The following PAK2 variants were observed in gnomAD, a reference collection of about 807,000 sequenced individuals.
PAK2 encodes serine/threonine-protein kinase PAK 2.
A neutral mutation model predicts 65.9 loss-of-function variants in PAK2; 21 were observed. The ratio of observed to expected loss-of-function variants is 0.32; its 90% CI spans 0.23 to 0.46. PAK2 has a LOEUF of 0.46. Among genes scored for constraint, PAK2 ranks in the 20% least tolerant of loss-of-function variants. The pLI is 1.00. For missense variants in PAK2, 324 were observed against 642.6 expected, an observed-to-expected ratio of 0.50 and a Z score of 5.36; for synonymous variants, 204 against 219.7, an observed-to-expected ratio of 0.93 and a Z score of 0.63.
chr3:196,768,652 G>A (rs1456501343), intron 1 of PAK2, among the ~76,000 whole-genome samples: 2 of 150,904 alleles, frequency 1.3e-5, no homozygotes, highest in Non-Finnish European at 2.9e-5. Flanking sequence ...ACCATGGCCA[G>A]CTAATTCTTT....
rs1489151674 is a variant in PAK2, at chr3:196,829,160, T to C, written c.*755T>C. The C allele has an allele frequency of 6.6e-6, 1 of 152,644 alleles. No homozygotes were observed. Among genetic ancestry groups the C allele is most frequent in the Non-Finnish European group, 1.5e-5 (1 of 68,048 alleles). The allele number at this position is 152,644 out of a possible 1,614,324, so 9.5% of individuals were successfully genotyped here. On this transcript the variant is annotated 3_prime_UTR_variant, in exon 15 of 15. Coordinates refer to ENST00000327134, the MANE Select transcript of PAK2 (RefSeq NM_002577.4). ...ACTAAATCATTGAGATAGAAAAAGA[T>C]TCCCATTGACTGTAGACTTCTTCCC...
intron 1 of PAK2, among the ~76,000 whole-genome samples, chr3:196,766,561 G>T (rs558934121): frequency 1.3e-5 from 2 of 152,232 alleles, no homozygotes; most frequent in African/African-American, 4.8e-5. Context: ...GTGATCAGTG[G>T]ATGGCTATCT....
At chr3:196,775,141 G>GAA (rs1394486327) in intron 1 of PAK2, among the ~76,000 whole-genome samples, 1 of 152,146 alleles carries the variant, frequency 6.6e-6, no homozygotes, top group Admixed American at 6.5e-5. Context: ...AATTTCATTA[G>GAA]GGACATCTCT....
rs1419294177 is a variant in PAK2, at chr3:196,820,152, C to T, written c.1154-219C>T. Among the ~76,000 whole-genome samples, 1 of 151,886 alleles carries T rather than the reference C, an allele frequency of 6.6e-6. No individual in the cohort carries two copies. The highest frequency in any genetic ancestry group is 1.5e-5 in the Non-Finnish European group (1 of 67,990). ...GAATGAATTATTCAGAATAAAAGGC[C>T]TCCTGATAATTTGGACTCTGTGGCA... On this transcript the variant is annotated intron_variant, in intron 12 of 14. Coordinates refer to ENST00000327134, the MANE Select transcript of PAK2 (RefSeq NM_002577.4). This position sits in a 1 kb window ranked among gnomAD's most constrained non-coding sequence, Gnocchi z 4.6.
At chr3:196,811,597 G>C (rs1297009759) in intron 8 of PAK2, among the ~76,000 whole-genome samples, 1 of 151,310 alleles carries the variant, frequency 6.6e-6, no homozygotes, top group East Asian at 2.0e-4. Flanking sequence ...TTTTATGAAA[G>C]AGAATTGAAG....
chr3:196,763,822 C>A (rs1039539086), intron 1 of PAK2, among the ~76,000 whole-genome samples: 4 of 152,152 alleles, frequency 2.6e-5, no homozygotes, highest in East Asian at 1.9e-4. Context: ...GGTGTCTGGC[C>A]AGGCTCTGTC....
rs1165287617 is a variant in PAK2 at position 196,830,544 on chromosome 3, T to C, written c.*2139T>C. 1.3e-5 allele frequency: 2 copies of C among 152,240 alleles called. No individual in the cohort carries two copies. Among genetic ancestry groups the C allele is most frequent in the African/African-American group, 4.8e-5 (2 of 41,456 alleles). 9.4% of individuals were successfully genotyped at this position (152,240 alleles called of 1,614,324 possible). On this transcript the variant is annotated 3_prime_UTR_variant, in exon 15 of 15. Transcript: ENST00000327134. ...AGTCAAAGACCATCCTCACTGACTA[T>C]GTGCCAACGCCTCGTTTCAGGCTTG...
chr3:196,803,203 G>C (rs747716302), intron 4 of PAK2, 39 bp downstream of exon 4: 1 of 1,488,542 alleles, frequency 6.7e-7, no homozygotes, highest in Non-Finnish European at 9.1e-7. Flanking sequence ...ATGGAGATTT[G>C]TGAAGCACTT....
chr3:196,821,174 C>T (rs1711637247), intron 13 of PAK2, among the ~76,000 whole-genome samples: 1 of 151,908 alleles, frequency 6.6e-6, no homozygotes, highest in African/African-American at 2.4e-5. Flanking sequence ...ATATGTGGCT[C>T]AACATTATCA....
chr3:196,799,060 T>A (rs889992075), intron 2 of PAK2, among the ~76,000 whole-genome samples: 34 of 151,706 alleles, frequency 2.2e-4, no homozygotes, highest in African/African-American at 4.1e-4. Flanking sequence ...CAAAAAAAAA[T>A]TTTTTTTAAG....
At chr3:196,801,261 T>C (rs1233693649) in intron 2 of PAK2, among the ~76,000 whole-genome samples, 1 of 152,194 alleles carries the variant, frequency 6.6e-6, no homozygotes, top group Non-Finnish European at 1.5e-5. Context: ...CTGTGTTTGC[T>C]GTCCACATTG....
intron 1 of PAK2, among the ~76,000 whole-genome samples, chr3:196,780,502 C>G (rs1714673153): frequency 6.6e-6 from 1 of 152,184 alleles, no homozygotes; most frequent in Non-Finnish European, 1.5e-5. Context: ...TACTCCCTAT[C>G]AGGAGAACAG....
rs1005503308 is a variant in PAK2 at position 196,799,779 on chromosome 3, G to A, written c.188-2148G>A. Among the ~76,000 whole-genome samples, 13 of 152,188 alleles carry A rather than the reference G, an allele frequency of 8.5e-5. 1 individual carries two copies. The highest frequency in any genetic ancestry group is 1.5e-4 in the Non-Finnish European group (10 of 68,018). ...AAGCAATTCTTGTGCCGCTATACTC[G>A]GCTGAAGTTTGCATTTTAGATACAG... is the stretch of plus-strand genomic sequence containing the variant. On this transcript the variant is annotated intron_variant, in intron 2 of 14. Coordinates refer to ENST00000327134, the MANE Select transcript of PAK2 (RefSeq NM_002577.4).
intron 9 of PAK2, 61 bp from the exon 10 acceptor site, chr3:196,812,678 G>A: frequency 1.3e-6 from 1 of 767,638 alleles, no homozygotes. Context: ...ACTGCTTGGG[G>A]TTTGTAATTT....
chr3:196,783,059 T>C (rs1714762513), intron 2 of PAK2, among the ~76,000 whole-genome samples: 1 of 152,226 alleles, frequency 6.6e-6, no homozygotes, highest in Non-Finnish European at 1.5e-5. Flanking sequence ...AATTTCTATA[T>C]TCATCTCCTT....
intron 1 of PAK2, among the ~76,000 whole-genome samples, chr3:196,751,674 C>CATACATAT (rs1553799657): frequency 1.4e-5 from 1 of 71,818 alleles, no homozygotes; most frequent in Admixed American, 1.6e-4. Flanking sequence ...TATTTATATA[C>CATACATAT]ATATATATAT....
chr3:196,747,943 A>T (rs986451999), intron 1 of PAK2, among the ~76,000 whole-genome samples: 2 of 152,050 alleles, frequency 1.3e-5, no homozygotes, highest in African/African-American at 4.8e-5. Context: ...ATCTTTCATG[A>T]TCACCTCTGC....
chr3:196,751,741 CTTTTT>C lies in PAK2; in HGVS notation c.-22+11600_-22+11604del, dbSNP rs200558658. ...GCATTTATGAAACACAAATGAATTT[CTTTTT>C]TTTTTTTTTTTTTTTGAGACCGTTT... On this transcript the variant is annotated intron_variant, in intron 1 of 14. Coordinates refer to ENST00000327134, the MANE Select transcript of PAK2 (RefSeq NM_002577.4). 8.1e-4 allele frequency among the ~76,000 whole-genome samples: 64 copies of C among 79,292 alleles called. No individual in the cohort carries two copies. The Middle Eastern group carries it at 0.026, about 33-fold the overall frequency. 52.0% of individuals were successfully genotyped at this position (79,292 alleles called of 152,430 possible).
chr3:196,808,848 G>A (rs1464096994), intron 7 of PAK2, among the ~76,000 whole-genome samples: 1 of 152,050 alleles, frequency 6.6e-6, no homozygotes, highest in African/African-American at 2.4e-5. Flanking sequence ...GCGAAAGAGC[G>A]AGACTCAGTC....
Sources: allele counts gnomAD v4.1 joint callset (sites outside exome capture counted in the v4.1 genomes callset), GRCh38; gene constraint gnomAD v4.1.1; non-coding constraint Gnocchi (gnomAD v3.1); transcripts MANE v1.5; gene names NCBI Gene and HGNC (gene_info 2026-07-23, HGNC 2026-07-21).